Variants in CRIM1 observed in about 807,000 individuals in gnomAD.
CRIM1 encodes cysteine rich transmembrane BMP regulator 1.
In CRIM1, 32 loss-of-function variants were observed where a neutral mutation model predicts 116.4. The observed-to-expected ratio is 0.27, with a 90% CI of 0.21 to 0.37. CRIM1 has a LOEUF of 0.37. Among genes scored for constraint, CRIM1 ranks in the 10% least tolerant of loss-of-function variants. The pLI, the probability that CRIM1 is intolerant of heterozygous loss-of-function variation, is 1.00. For synonymous variants in CRIM1, 590 were observed against 509.2 expected (o/e 1.16, Z -2.13); for missense variants, 1,331 against 1,354.8 (o/e 0.98, Z 0.28).
At chr2:36,430,383 G>A (rs1373620272) in intron 2 of CRIM1, among the ~76,000 whole-genome samples, 6 of 152,180 alleles carry the variant, frequency 3.9e-5, no homozygotes, top group African/African-American at 1.2e-4. Context: ...TATTTTGGTA[G>A]TTGAAGTTTG....
intron 4 of CRIM1, among the ~76,000 whole-genome samples, chr2:36,453,264 A>C (rs925137448): frequency 2.0e-5 from 3 of 152,244 alleles, no homozygotes; most frequent in African/African-American, 7.2e-5. Flanking sequence ...GGCCTTGGTC[A>C]GTCTGTTGTG....
rs1174456762 is a variant in CRIM1, at chr2:36,355,902, C to T, written c.-391C>T. On this transcript the variant is annotated 5_prime_UTR_variant, in exon 1 of 17. Transcript: ENST00000280527. The stretch of plus-strand genomic sequence containing the variant: ...GCTGCGCCGCTGCGGGGCCGGCCGA[C>T]TCGGAGGAGGAGAGGGAGGAGGCGC... The T allele has an allele frequency of 2.0e-5, 3 of 151,730 alleles. No individual in the cohort carries two copies. The allele number at this position is 151,730 out of a possible 1,614,324, so 9.4% of individuals were successfully genotyped here. A position where few individuals can be genotyped will look rare whatever the true frequency, so the allele number is the denominator to read the frequency against.
intron 9 of CRIM1, 88 bp downstream of exon 9, chr2:36,510,227 A>C: frequency 7.6e-7 from 1 of 1,312,774 alleles, no homozygotes; most frequent in South Asian, 1.4e-5. Flanking sequence ...TTGTTTGTGA[A>C]TTAATCTATG....
chr2:36,479,075 C>G (rs938311673), intron 6 of CRIM1, among the ~76,000 whole-genome samples: 5 of 152,212 alleles, frequency 3.3e-5, no homozygotes, highest in African/African-American at 1.2e-4. Context: ...ATCACTCTGA[C>G]TTAGGGCATT....
rs1236849843 is a variant in CRIM1 at position 36,484,066 on chromosome 2, T to G, written c.1372+4372T>G. Among the ~76,000 whole-genome samples the G allele has an allele frequency of 2.6e-5, 4 of 152,294 alleles. No homozygotes were observed. In the East Asian group the frequency reaches 7.7e-4, roughly 29 times the overall value. ...TTCACCCTTCTGATGGGCACTCAGC[T>G]CTGGGCTCCATCCCTGTGTCAGCCT... On this transcript the variant is annotated intron_variant, in intron 7 of 16. Transcript: ENST00000280527.
chr2:36,428,398 C>T (rs1242017842), intron 2 of CRIM1, among the ~76,000 whole-genome samples: 1 of 152,192 alleles, frequency 6.6e-6, no homozygotes, highest in Non-Finnish European at 1.5e-5. Flanking sequence ...ATTGATTCCC[C>T]TATTCTCTTG....
rs142808862 is a variant in CRIM1, at chr2:36,547,104, C to T, written c.2867C>T (p.Ala956Val). ...PIIICLSIIIAFLFINQKKQW... is the reference protein window; with the variant it reads ...PIIICLSIIIVFLFINQKKQW... ...ATTATATGCCTCTCTATTATAATAG[C>T]ATTCCTATTCATCAATCAGAAGAAA... Residue 956 changes from alanine to valine, a missense_variant, in exon 16 of 17, where the codon GCA becomes GTA. Physicochemically the swap from Ala to Val is moderately conservative, Grantham distance 64. Coordinates refer to ENST00000280527, the MANE Select transcript of CRIM1 (RefSeq NM_016441.3). 905 of 1,611,794 alleles carry T rather than the reference C, an allele frequency of 5.6e-4. 1 individual carries two copies. Among genetic ancestry groups the T allele is most frequent in the Non-Finnish European group, 7.4e-4 (866 of 1,178,124 alleles).
At chr2:36,392,839 A>T (rs1671719397) in intron 1 of CRIM1, among the ~76,000 whole-genome samples, 1 of 152,218 alleles carries the variant, frequency 6.6e-6, no homozygotes, top group Admixed American at 6.5e-5. Flanking sequence ...TCTCAAAAAA[A>T]AGAAAATAAA....
At chr2:36,479,734 T>G in intron 7 of CRIM1, 40 bp downstream of exon 7, 4 of 1,582,664 alleles carry the variant, frequency 2.5e-6, no homozygotes, top group Non-Finnish European at 3.5e-6. Context: ...GGTGAATGTC[T>G]TCTGTTGGAG....
At chr2:36,364,832 TTG>T (rs765617860) in intron 1 of CRIM1, among the ~76,000 whole-genome samples, 7 of 151,370 alleles carry the variant, frequency 4.6e-5, no homozygotes, top group African/African-American at 4.8e-5. Context: ...ATATATAAGA[TTG>T]TGTGTGTGTG....
Position 36,373,674 on chromosome 2 carries a change from G to A in CRIM1, c.331+17051G>A, listed in dbSNP as rs563711055. On this transcript the variant is annotated intron_variant, in intron 1 of 16. Coordinates refer to ENST00000280527, the MANE Select transcript of CRIM1 (RefSeq NM_016441.3). ...TGGGAAGGTATCCCTGAACCTGTAT[G>A]TGTGGAAATGCAGGCATTCTCTGTC... Among the ~76,000 whole-genome samples, 22 of 152,300 alleles carry A rather than the reference G, an allele frequency of 1.4e-4. 1 individual carries two copies. The highest frequency in any genetic ancestry group is 5.1e-4 in the African/African-American group (21 of 41,568).
At chr2:36,374,609 A>C (rs978709693) in intron 1 of CRIM1, among the ~76,000 whole-genome samples, 2 of 152,168 alleles carry the variant, frequency 1.3e-5, no homozygotes, top group Non-Finnish European at 2.9e-5. Flanking sequence ...ATTGGGTTGT[A>C]CTGACTGCAG....
At chr2:36,452,480 T>A (rs1010097228) in intron 4 of CRIM1, among the ~76,000 whole-genome samples, 2 of 152,190 alleles carry the variant, frequency 1.3e-5, no homozygotes, top group African/African-American at 4.8e-5. Context: ...CCAGAGTCTA[T>A]ATTAAACTCT....
At chr2:36,434,529 C>T (rs2160366) in intron 2 of CRIM1, among the ~76,000 whole-genome samples, 42,720 of 152,132 alleles carry the variant, frequency 0.28, 6,182 homozygotes, top group South Asian at 0.39. Flanking sequence ...GGGTCTCTCT[C>T]TTCATCTGTC....
chr2:36,415,760 G>A (rs1673566630), intron 2 of CRIM1, among the ~76,000 whole-genome samples: 1 of 152,158 alleles, frequency 6.6e-6, no homozygotes, highest in Admixed American at 6.5e-5. Context: ...CCTAACTGAG[G>A]ACTTATGTGG....
intron 1 of CRIM1, among the ~76,000 whole-genome samples, chr2:36,377,963 T>C (rs1670445227): frequency 6.6e-6 from 1 of 152,182 alleles, no homozygotes; most frequent in Non-Finnish European, 1.5e-5. Flanking sequence ...TCAGTAAAAT[T>C]TACTGACTCC....
Position 36,476,875 on chromosome 2 carries a change from T to G in CRIM1, c.992-14T>G, listed in dbSNP as rs373942317. 1.2e-6 allele frequency: 2 copies of G among 1,601,244 alleles called. No individual in the cohort carries two copies. The highest frequency in any genetic ancestry group is 1.7e-6 in the Non-Finnish European group (2 of 1,173,302). On this transcript the variant is annotated splice_polypyrimidine_tract_variant and intron_variant, in intron 5 of 16. Transcript: ENST00000280527. ...TGACTACAAATATGCCTTGTTTGTTTTAACTCTTTTCAGATACAAAGCCAG... is the reference window on the plus strand; with the variant it reads ...TGACTACAAATATGCCTTGTTTGTTGTAACTCTTTTCAGATACAAAGCCAG...
At chr2:36,506,757 G>C (rs1681460486) in intron 8 of CRIM1, among the ~76,000 whole-genome samples, 1 of 152,114 alleles carries the variant, frequency 6.6e-6, no homozygotes, top group Non-Finnish European at 1.5e-5. Context: ...ACCTTTTTCT[G>C]CGTGGTTGCC....
At chr2:36,449,513 G>A (rs979356840) in intron 4 of CRIM1, among the ~76,000 whole-genome samples, 1 of 152,180 alleles carries the variant, frequency 6.6e-6, no homozygotes, top group African/African-American at 2.4e-5. Context: ...GTTCAGAAAG[G>A]GCACGAATCA....
Sources: gnomAD v4.1 joint callset for allele counts (sites outside exome capture counted in the v4.1 genomes callset) on GRCh38, gnomAD v4.1.1 for gene constraint, MANE v1.5 for transcripts, NCBI Gene and HGNC (gene_info 2026-07-23, HGNC 2026-07-21) for gene names.